The following PCDHA5 variants were observed in gnomAD, a reference collection of about 807,000 sequenced individuals.
The protein encoded by PCDHA5 is protocadherin alpha 5, also known as protocadherin alpha-5.
A neutral mutation model predicts 61.6 loss-of-function variants in PCDHA5; 43 were observed. The observed-to-expected ratio is 0.70, with a 90% CI of 0.55 to 0.90. PCDHA5 has a LOEUF of 0.90. Ranked by LOEUF, PCDHA5 falls within the 40% of genes least tolerant of loss-of-function variation. The pLI, the probability that PCDHA5 is intolerant of heterozygous loss-of-function variation, is 0.00. For missense variants in PCDHA5, 1,298 were observed against 1,222.7 expected (o/e 1.06, Z -0.92); for synonymous variants, 627 against 543.9 (o/e 1.15, Z -2.13).
intron 1 of PCDHA5, chr5:140,871,318 G>A (rs546803828): frequency 9.9e-6 from 16 of 1,614,072 alleles, no homozygotes; most frequent in Middle Eastern, 1.7e-4. Context: ...GCCCACGCTG[G>A]TGTGCTCCCG....
chr5:140,885,870 A>T (rs1302417773), intron 1 of PCDHA5, among the ~76,000 whole-genome samples: 1 of 152,162 alleles, frequency 6.6e-6, no homozygotes, highest in African/African-American at 2.4e-5. Context: ...TATTGAAAAA[A>T]AATTTTTAGT....
rs2150127210 is a variant in PCDHA5 at position 140,823,587 on chromosome 5, T to G, written c.1812T>G (p.Ala604=). The G allele has an allele frequency of 5.6e-6, 9 of 1,613,996 alleles. No individual in the cohort carries two copies. The highest frequency in any genetic ancestry group is 2.2e-5 in the East Asian group (1 of 44,868). Residue 604 remains alanine, a synonymous_variant, in exon 1 of 4, where the codon GCT becomes GCG. Coordinates refer to ENST00000529859, the MANE Select transcript of PCDHA5 (RefSeq NM_018908.3). ...TGGACCCTGATTCGGGCTACAACGC[T>G]TGGCTTTCGTATGAGCTGCAGCCAG... The part of the protein sequence containing the change: ...RAVDPDSGYN[A]WLSYELQPAP...
chr5:140,912,497 T>A (rs2075943539), intron 1 of PCDHA5, among the ~76,000 whole-genome samples: 1 of 152,174 alleles, frequency 6.6e-6, no homozygotes. Context: ...ATCTAGGAGC[T>A]TTTTGGATGA....
chr5:140,991,191 A>G (rs1316296536), intron 3 of PCDHA5, among the ~76,000 whole-genome samples: 2 of 152,218 alleles, frequency 1.3e-5, no homozygotes, highest in South Asian at 2.1e-4. Flanking sequence ...CTAGCACACA[A>G]TGATGCTCAA....
At chr5:140,841,059 A>C in intron 1 of PCDHA5, 1 of 449,736 alleles carries the variant, frequency 2.2e-6, no homozygotes, top group Non-Finnish European at 3.9e-6. Context: ...CTATTAAATT[A>C]TGATAAAGAA....
intron 3 of PCDHA5, among the ~76,000 whole-genome samples, chr5:141,000,691 G>A (rs1177204689): frequency 3.3e-5 from 5 of 151,460 alleles, no homozygotes; most frequent in African/African-American, 1.2e-4. Flanking sequence ...GCCTCCCAAA[G>A]TGCTGGGATT....
At chr5:140,848,202 C>T in intron 1 of PCDHA5, 1 of 328,080 alleles carries the variant, frequency 3.0e-6, no homozygotes, top group South Asian at 5.4e-5. Flanking sequence ...TTTCAACAAT[C>T]ATTACTTAAG....
intron 1 of PCDHA5, chr5:140,930,420 A>G (rs996872425): frequency 1.3e-5 from 2 of 151,962 alleles, no homozygotes; most frequent in Non-Finnish European, 2.9e-5. Context: ...CAGGGGTCTC[A>G]CTATGTTGCC....
intron 1 of PCDHA5, among the ~76,000 whole-genome samples, chr5:140,973,003 C>T (rs1417207719): frequency 4.0e-5 from 6 of 151,856 alleles, no homozygotes; most frequent in African/African-American, 7.3e-5. Flanking sequence ...CATTTGTGGT[C>T]GTGGTGTTGT....
chr5:140,868,098 A>C (rs972281563), intron 1 of PCDHA5: 1 of 152,120 alleles, frequency 6.6e-6, no homozygotes, highest in African/African-American at 2.4e-5. Context: ...AATGATAATA[A>C]AATTTATTTT....
intron 1 of PCDHA5, chr5:140,828,810 C>G: frequency 3.1e-6 from 5 of 1,614,142 alleles, no homozygotes; most frequent in Non-Finnish European, 4.2e-6. Context: ...GATAATGCTC[C>G]CACTTTCGAA....
At chr5:140,888,649 A>G (rs1554183557) in intron 1 of PCDHA5, among the ~76,000 whole-genome samples, 1 of 152,210 alleles carries the variant, frequency 6.6e-6, no homozygotes, top group African/African-American at 2.4e-5. Flanking sequence ...TACTTTCCTG[A>G]GGACACCACC....
At chr5:140,827,996 G>A in intron 1 of PCDHA5, 2 of 1,481,206 alleles carry the variant, frequency 1.4e-6, no homozygotes, top group Non-Finnish European at 1.8e-6. Context: ...AATGATGGCG[G>A]ACGCAGAAGA....
chr5:140,824,647 TA>T (rs1316143665), intron 1 of PCDHA5: 2 of 129,788 alleles, frequency 1.5e-5, no homozygotes, highest in East Asian at 4.6e-4. Context: ...TCTGTAGAGA[TA>T]GGGGTCTTGC....
intron 1 of PCDHA5, among the ~76,000 whole-genome samples, chr5:140,956,132 C>G (rs782171826): frequency 2.6e-5 from 4 of 152,028 alleles, no homozygotes; most frequent in Admixed American, 6.6e-5. Context: ...ATTTGAATAC[C>G]CTTTATTTCT....
chr5:140,900,141 A>G (rs2067777266), intron 1 of PCDHA5, among the ~76,000 whole-genome samples: 1 of 152,202 alleles, frequency 6.6e-6, no homozygotes, highest in Middle Eastern at 3.2e-3. Context: ...ACAAATAAGT[A>G]AGAACATACG....
At chr5:140,927,915 C>T (rs200890211) in intron 1 of PCDHA5, 7 of 1,614,120 alleles carry the variant, frequency 4.3e-6, no homozygotes, top group Admixed American at 3.3e-5. Context: ...CCGAACTGGA[C>T]TTCCTGACTC....
intron 1 of PCDHA5, among the ~76,000 whole-genome samples, chr5:140,890,189 G>C (rs1262049301): frequency 1.3e-5 from 2 of 152,102 alleles, no homozygotes; most frequent in Non-Finnish European, 2.9e-5. Context: ...CTACAAAACA[G>C]AGTTTTTTGT....
At chr5:140,828,069 AAAT>A (rs2150150559) in intron 1 of PCDHA5, 3 of 1,564,606 alleles carry the variant, frequency 1.9e-6, no homozygotes, top group Non-Finnish European at 2.6e-6. Flanking sequence ...CTTCTAATGG[AAAT>A]AAAACCAGAG....
Sources: allele counts gnomAD v4.1 joint callset (sites outside exome capture counted in the v4.1 genomes callset), GRCh38; gene constraint gnomAD v4.1.1; transcripts MANE v1.5; gene names NCBI Gene and HGNC (gene_info 2026-07-23, HGNC 2026-07-21).